The following SP140 variants were observed in gnomAD, a reference collection of about 807,000 sequenced individuals.
SP140 encodes the protein nuclear body protein SP140.
Under a neutral mutation model 125.0 loss-of-function variants are expected in SP140, and 81 were observed. That is an observed-to-expected ratio of 0.65 (90% CI 0.54 to 0.78). SP140 has a LOEUF of 0.78. SP140 is among the 30% of genes least tolerant of loss of function. The probability of loss-of-function intolerance (pLI) is 0.00; values close to 1 mark genes in which losing one functional copy is unlikely to be tolerated. For missense variants in SP140, 858 were observed against 1,037.0 expected, an observed-to-expected ratio of 0.83 and a Z score of 2.37; for synonymous variants, 312 against 354.0, an observed-to-expected ratio of 0.88 and a Z score of 1.33.
chr2:230,248,024 A>G lies in SP140; in HGVS notation c.851A>G (p.Asp284Gly). 6.2e-7 allele frequency: 1 copy of G among 1,613,842 alleles called. No homozygotes were observed. The highest frequency in any genetic ancestry group is 1.1e-5 in the South Asian group (1 of 91,056). ...AACAGTCCCAGAAAAAGAAACCAAG[A>G]CAAGGAGAAGTACCAAGAGAGTCCA... ...GRNSPRKRNQ[D>G]KEKYQESPEG... The change falls in exon 8 of 27, where the codon GAC becomes GGC. Residue 284 changes from aspartate to glycine, a missense_variant. Asp to Gly is a moderately conservative substitution (Grantham distance 94, BLOSUM62 -1). Transcript: ENST00000392045.
At chr2:230,254,177 A>G (rs559339774) in intron 11 of SP140, among the ~76,000 whole-genome samples, 119 of 152,338 alleles carry the variant, frequency 7.8e-4, no homozygotes, top group African/African-American at 2.8e-3. Flanking sequence ...TAAACTATGC[A>G]GAGAAAGAGA....
chr2:230,212,770 T>G, intron 1 of SP140: 16 of 1,614,130 alleles, frequency 9.9e-6, no homozygotes, highest in Non-Finnish European at 1.4e-5. Context: ...CCTGAAGTGC[T>G]TCTTCCTTCC....
intron 3 of SP140, chr2:230,216,717 G>C: frequency 6.3e-7 from 1 of 1,596,454 alleles, no homozygotes; most frequent in Non-Finnish European, 8.6e-7. Context: ...TGTGGTTTGA[G>C]ACTTTAATAA....
chr2:230,218,708 G>A (rs1393395679), intron 3 of SP140, among the ~76,000 whole-genome samples: 3 of 152,210 alleles, frequency 2.0e-5, no homozygotes, highest in Non-Finnish European at 4.4e-5. Flanking sequence ...TGGCAAAGCA[G>A]AGCTTGTCTG....
At chr2:230,288,634 C>T (rs768739828) in intron 18 of SP140, among the ~76,000 whole-genome samples, 4 of 151,890 alleles carry the variant, frequency 2.6e-5, no homozygotes, top group Admixed American at 6.6e-5. Flanking sequence ...CCCCAAATCC[C>T]GACAGGCCCC....
intron 1 of SP140, chr2:230,212,532 G>A: frequency 9.1e-7 from 1 of 1,099,728 alleles, no homozygotes; most frequent in Non-Finnish European, 1.4e-6. Flanking sequence ...CAAGGCACAA[G>A]GGCAGAGGGT....
chr2:230,214,056 C>T (rs2044811065), exon 3 of SP140: 1 of 152,044 alleles, frequency 6.6e-6, no homozygotes, highest in Admixed American at 6.5e-5. Context: ...GCTGGTGGTC[C>T]TTTGCTTGTT....
chr2:230,303,107 A>G (rs562696735), intron 22 of SP140, among the ~76,000 whole-genome samples: 38 of 152,220 alleles, frequency 2.5e-4, no homozygotes, highest in Non-Finnish European at 4.4e-4. Flanking sequence ...CAAAAGATAT[A>G]TGAAACAAAA....
chr2:230,265,618 C>T (rs2052981046), intron 12 of SP140, among the ~76,000 whole-genome samples: 1 of 152,162 alleles, frequency 6.6e-6, no homozygotes, highest in Non-Finnish European at 1.5e-5. Flanking sequence ...AGGCCCTTTC[C>T]GCTGCTTCCC....
chr2:230,260,272 C>T (rs1024032119), intron 12 of SP140, among the ~76,000 whole-genome samples: 4 of 152,088 alleles, frequency 2.6e-5, no homozygotes, highest in African/African-American at 2.4e-5. Flanking sequence ...GTCCTTAGCC[C>T]ACTTTTTGAT....
intron 18 of SP140, 116 bp from the exon 19 acceptor site, chr2:230,290,344 G>A: frequency 1.1e-6 from 1 of 908,380 alleles, no homozygotes; most frequent in East Asian, 2.7e-5. Context: ...AAACTCTAGA[G>A]GGTTTTGGAA....
chr2:230,307,990 T>TATATATATATATATATATATAG, intron 22 of SP140, among the ~76,000 whole-genome samples: 1 of 52,640 alleles, frequency 1.9e-5, no homozygotes, highest in Non-Finnish European at 3.7e-5. Context: ...TATATATATA[T>TATATATATATATATATATATAG]ACACACACAC....
intron 3 of SP140, among the ~76,000 whole-genome samples, chr2:230,217,535 G>T (rs184285823): frequency 1.3e-5 from 2 of 152,290 alleles, no homozygotes; most frequent in Non-Finnish European, 1.5e-5. Flanking sequence ...TTTCCTGTGT[G>T]CCAGACTTTG....
intron 1 of SP140, among the ~76,000 whole-genome samples, chr2:230,226,340 C>T (rs139895430): frequency 2.0e-3 from 309 of 152,266 alleles, no homozygotes; most frequent in African/African-American, 7.3e-3. Flanking sequence ...AGTTGGGGAC[C>T]GGTTCTGCTC....
At chr2:230,273,410 G>C (rs2054227646) in intron 15 of SP140, among the ~76,000 whole-genome samples, 1 of 152,174 alleles carries the variant, frequency 6.6e-6, no homozygotes, top group African/African-American at 2.4e-5. Context: ...TCTCACACCA[G>C]TCAGAATGAC....
chr2:230,280,951 CT>C (rs940793815), intron 15 of SP140, among the ~76,000 whole-genome samples: 71 of 152,118 alleles, frequency 4.7e-4, no homozygotes, highest in African/African-American at 1.7e-3. Context: ...ACAACTTTTT[CT>C]TTACTTTGAT....
At chr2:230,225,323 C>T (rs137992853), upstream of SP140, among the ~76,000 whole-genome samples, 899 of 152,308 alleles carry the variant, frequency 5.9e-3, 14 homozygotes, top group African/African-American at 0.02. Flanking sequence ...GCATCTCCCC[C>T]ACTTTCTAAT....
At chr2:230,265,829 G>A (rs2053031714) in intron 12 of SP140, among the ~76,000 whole-genome samples, 1 of 151,968 alleles carries the variant, frequency 6.6e-6, no homozygotes, top group Admixed American at 6.6e-5. Flanking sequence ...GGTGCAATCT[G>A]CTTCCTTCAG....
chr2:230,283,472 G>A (rs1489723687), intron 15 of SP140, among the ~76,000 whole-genome samples: 1 of 152,178 alleles, frequency 6.6e-6, no homozygotes, highest in Non-Finnish European at 1.5e-5. Context: ...CCACCAGGCT[G>A]GTAGGGGAAA....
Sources: allele counts gnomAD v4.1 joint callset (sites outside exome capture counted in the v4.1 genomes callset), GRCh38; gene constraint gnomAD v4.1.1; transcripts MANE v1.5; gene names NCBI Gene and HGNC (gene_info 2026-07-23, HGNC 2026-07-21).